KDM2A: variants seen among roughly 807,000 people sequenced by gnomAD.
The protein encoded by KDM2A is lysine demethylase 2A.
A neutral mutation model predicts 137.3 loss-of-function variants in KDM2A; 3 were observed. The observed-to-expected ratio is 0.02, with a 90% CI of 0.01 to 0.06. The LOEUF (loss-of-function observed/expected upper bound fraction) is 0.06. KDM2A is among the 10% of genes least tolerant of loss of function. KDM2A has a pLI of 1.00. For missense variants in KDM2A, 738 were observed against 1,510.6 expected, an observed-to-expected ratio of 0.49 and a Z score of 8.48; for synonymous variants, 512 against 541.5, an observed-to-expected ratio of 0.95 and a Z score of 0.76.
At chr11:67,180,649 G>A (rs1436423023) in intron 3 of KDM2A, among the ~76,000 whole-genome samples, 1 of 151,882 alleles carries the variant, frequency 6.6e-6, no homozygotes, top group East Asian at 1.9e-4. Flanking sequence ...CAAAATTAAT[G>A]TTTTGTTTAC....
intron 2 of KDM2A, among the ~76,000 whole-genome samples, chr11:67,172,007 TG>T (rs755708197): frequency 6.1e-4 from 93 of 152,216 alleles, no homozygotes; most frequent in Admixed American, 2.4e-3. Context: ...CTTTTTTCTT[TG>T]GAGGCAGGAT....
At chr11:67,185,380 C>T (rs1857179445) in intron 5 of KDM2A, among the ~76,000 whole-genome samples, 1 of 152,012 alleles carries the variant, frequency 6.6e-6, no homozygotes, top group African/African-American at 2.4e-5. Context: ...ACCTGTAATC[C>T]CAGCACTTTG....
chr11:67,129,753 A>C (rs1395382655), intron 2 of KDM2A, among the ~76,000 whole-genome samples: 2 of 149,640 alleles, frequency 1.3e-5, no homozygotes, highest in Non-Finnish European at 3.0e-5. Flanking sequence ...AAAAAAAAGA[A>C]AAAGAAAAAT....
In KDM2A at chr11:67,232,731, G is replaced by A. The variant is rs1229693563; in HGVS notation, c.1479+771G>A. Among the ~76,000 whole-genome samples the A allele has an allele frequency of 4.0e-5, 6 of 148,962 alleles. No individual in the cohort carries two copies. In the South Asian group the frequency reaches 8.5e-4, roughly 21 times the overall value. ...ATTAATTAATTAATTTATTTGAGAC[G>A]GAGTCTCACTCTGTCGCTCAGGTTG... On this transcript the variant is annotated intron_variant, in intron 12 of 20. Coordinates refer to ENST00000529006, the MANE Select transcript of KDM2A (RefSeq NM_012308.3).
intron 5 of KDM2A, among the ~76,000 whole-genome samples, chr11:67,182,797 T>G (rs1217308032): frequency 6.6e-6 from 1 of 152,228 alleles, no homozygotes; most frequent in African/African-American, 2.4e-5. Flanking sequence ...CCTCCCAAAG[T>G]GCTGGGATTA....
chr11:67,128,907 C>T (rs1052437594), intron 2 of KDM2A, among the ~76,000 whole-genome samples: 2 of 152,162 alleles, frequency 1.3e-5, no homozygotes, highest in Non-Finnish European at 2.9e-5. Context: ...TTCTTGAATG[C>T]TAGGATTAAG....
rs781005975 is a variant in KDM2A at position 67,180,058 on chromosome 11, G to C, written c.43-21G>C. ...CATGAAAAAGTGCATGATTTCATCAGTATGTTCCTTTCTTTCCTAGCGTGG... is the reference window on the plus strand; with the variant it reads ...CATGAAAAAGTGCATGATTTCATCACTATGTTCCTTTCTTTCCTAGCGTGG... On this transcript the variant is annotated intron_variant, in intron 2 of 20. Coordinates refer to ENST00000529006, the MANE Select transcript of KDM2A (RefSeq NM_012308.3). 2.5e-6 allele frequency: 4 copies of C among 1,606,394 alleles called. No homozygotes were observed. The African/African-American group carries it at 5.4e-5, about 22-fold the overall frequency.
At chr11:67,216,485 T>C (rs982962411) in intron 8 of KDM2A, among the ~76,000 whole-genome samples, 6 of 152,232 alleles carry the variant, frequency 3.9e-5, no homozygotes, top group African/African-American at 1.4e-4. Flanking sequence ...TTCTGAATGC[T>C]ATATGAGAAT....
chr11:67,222,909 A>AG (rs2136408760), intron 10 of KDM2A, among the ~76,000 whole-genome samples: 1 of 151,750 alleles, frequency 6.6e-6, no homozygotes, highest in Non-Finnish European at 1.5e-5. Context: ...GAAAAAAAAA[A>AG]AAGGCCAGGC....
At chr11:67,180,659 C>CT (rs1231630280) in intron 3 of KDM2A, among the ~76,000 whole-genome samples, 47 of 148,184 alleles carry the variant, frequency 3.2e-4, no homozygotes, top group Non-Finnish European at 5.9e-4. Flanking sequence ...GTTTTGTTTA[C>CT]TTTTTTTTTT....
intron 11 of KDM2A, 59 bp downstream of exon 11, chr11:67,228,222 G>A (rs1858604578): frequency 5.2e-6 from 8 of 1,552,790 alleles, no homozygotes; most frequent in Admixed American, 1.8e-5. Flanking sequence ...GGTGAGGCCC[G>A]AAATACTCAG....
intron 13 of KDM2A, among the ~76,000 whole-genome samples, chr11:67,244,428 A>G (rs1859143054): frequency 2.0e-5 from 3 of 152,194 alleles, no homozygotes. Flanking sequence ...TGTCTTCTTT[A>G]GGAGTATAAT....
At chr11:67,157,042 G>A (rs556932994) in intron 2 of KDM2A, among the ~76,000 whole-genome samples, 20 of 152,122 alleles carry the variant, frequency 1.3e-4, no homozygotes, top group Admixed American at 9.2e-4. Flanking sequence ...GGCTGGGCAC[G>A]GTGGCTCACG....
intron 12 of KDM2A, chr11:67,240,159 C>G: frequency 2.0e-6 from 3 of 1,475,178 alleles, no homozygotes; most frequent in Non-Finnish European, 2.7e-6. Flanking sequence ...GCGCTGCACG[C>G]TGCTCCCTCT....
intron 2 of KDM2A, among the ~76,000 whole-genome samples, chr11:67,172,633 TG>T (rs1361914193): frequency 1.3e-5 from 2 of 151,864 alleles, no homozygotes; most frequent in Non-Finnish European, 1.5e-5. Flanking sequence ...TGTGTGTGTG[TG>T]TGTGTGTGTG....
chr11:67,199,082 TC>T (rs1337640179), intron 5 of KDM2A, among the ~76,000 whole-genome samples: 4 of 152,142 alleles, frequency 2.6e-5, no homozygotes, highest in African/African-American at 7.2e-5. Context: ...ACCCAGCAGA[TC>T]AGTGATCTTT....
At chr11:67,181,533 G>C in intron 4 of KDM2A, 135 bp downstream of exon 4, 1 of 619,432 alleles carries the variant, frequency 1.6e-6, no homozygotes, top group Non-Finnish European at 2.8e-6. Flanking sequence ...AAAAGTATAT[G>C]CTTTTCTTTT....
chr11:67,217,263 A>AT (rs1858195165), intron 8 of KDM2A, among the ~76,000 whole-genome samples: 2 of 151,056 alleles, frequency 1.3e-5, no homozygotes, highest in South Asian at 4.2e-4. Flanking sequence ...AAAAAAAAAA[A>AT]GTCTTAATCA....
At chr11:67,143,352 C>G (rs1856164163) in intron 2 of KDM2A, 1 of 151,996 alleles carries the variant, frequency 6.6e-6, no homozygotes, top group African/African-American at 2.4e-5. Context: ...TGCTACAGGA[C>G]TTCAGGAGCA....
Sources: allele counts gnomAD v4.1 joint callset (sites outside exome capture counted in the v4.1 genomes callset), GRCh38; gene constraint gnomAD v4.1.1; transcripts MANE v1.5; gene names NCBI Gene and HGNC (gene_info 2026-07-23, HGNC 2026-07-21).